SORCS1: variants seen among roughly 807,000 people sequenced by gnomAD.
The protein encoded by SORCS1 is VPS10 domain-containing receptor SorCS1.
In SORCS1, 60 loss-of-function variants were observed where a neutral mutation model predicts 146.1. The ratio of observed to expected loss-of-function variants is 0.41; its 90% CI spans 0.33 to 0.51. The LOEUF is 0.51. Ranked by LOEUF, SORCS1 falls within the 20% of genes least tolerant of loss-of-function variation. The pLI is 0.21. For missense variants in SORCS1, 1,352 were observed against 1,487.6 expected, an observed-to-expected ratio of 0.91 and a Z score of 1.50; for synonymous variants, 637 against 584.0, an observed-to-expected ratio of 1.09 and a Z score of -1.31.
intron 19 of SORCS1, among the ~76,000 whole-genome samples, chr10:106,620,850 C>T (rs1337236837): frequency 6.6e-6 from 1 of 152,154 alleles, no homozygotes; most frequent in East Asian, 1.9e-4. Context: ...TCCTTAAGAA[C>T]AGGCATCATT....
At chr10:106,620,283 A>C in intron 20 of SORCS1, 145 bp downstream of exon 20, 1 of 959,812 alleles carries the variant, frequency 1.0e-6, no homozygotes, top group Non-Finnish European at 1.5e-6. Context: ...ATGATGAGAT[A>C]CTTGAGCACC....
intron 17 of SORCS1, among the ~76,000 whole-genome samples, chr10:106,655,926 G>A (rs749420172): frequency 1.3e-5 from 2 of 152,108 alleles, no homozygotes; most frequent in Non-Finnish European, 2.9e-5. Flanking sequence ...TGCTACCTCC[G>A]TAATAACAAG....
intron 6 of SORCS1, 28 bp downstream of exon 6, chr10:106,730,022 A>C: frequency 6.2e-7 from 1 of 1,610,636 alleles, no homozygotes; most frequent in Non-Finnish European, 8.5e-7. Flanking sequence ...TATTACTATG[A>C]GTATTGCGGC....
chr10:107,067,119 C>G (rs570902174), intron 1 of SORCS1, among the ~76,000 whole-genome samples: 32 of 152,194 alleles, frequency 2.1e-4, no homozygotes, highest in African/African-American at 7.0e-4. Flanking sequence ...GAAGCAGCTC[C>G]AGAGATTTCA....
chr10:107,047,367 C>T (rs1456915836), intron 1 of SORCS1, among the ~76,000 whole-genome samples: 2 of 152,124 alleles, frequency 1.3e-5, no homozygotes, highest in East Asian at 1.9e-4. Context: ...TAGTGGATGT[C>T]GATAAGCCCA....
At position 106,726,185 on chromosome 10, in the gene SORCS1, C is replaced by CTCTTTT. The variant is rs1435746962; in HGVS notation, c.1024+3864_1024+3865insAAAAGA. Reference sequence around the variant, plus strand: ...TTATTGAGACAATCTCTTTCCCTCTCTTTTTTTTTTTTTTTTTTTTTTACA... The same window carrying CTCTTTT: ...TTATTGAGACAATCTCTTTCCCTCTCTCTTTTTTTTTTTTTTTTTTTTTTTTTTACA... On this transcript the variant is annotated intron_variant, in intron 6 of 25. Transcript: ENST00000263054. Among the ~76,000 whole-genome samples, 20 of 66,300 alleles carry CTCTTTT rather than the reference C, an allele frequency of 3.0e-4. 1 individual carries two copies. Among genetic ancestry groups the CTCTTTT allele is most frequent in the East Asian group, 4.9e-4 (1 of 2,058 alleles). 43.5% of individuals were successfully genotyped at this position (66,300 alleles called of 152,430 possible). A position where few individuals can be genotyped will look rare whatever the true frequency, so the allele number is the denominator to read the frequency against.
At chr10:107,020,955 T>G (rs1958100746) in intron 1 of SORCS1, among the ~76,000 whole-genome samples, 2 of 152,174 alleles carry the variant, frequency 1.3e-5, no homozygotes, top group African/African-American at 4.8e-5. Context: ...TAATTAAACT[T>G]TCTCCACTTT....
chr10:107,035,743 G>A (rs998520064), intron 1 of SORCS1, among the ~76,000 whole-genome samples: 8 of 152,018 alleles, frequency 5.3e-5, no homozygotes, highest in African/African-American at 1.9e-4. Flanking sequence ...TCACTAATGT[G>A]TTTTAGAACA....
intron 1 of SORCS1, among the ~76,000 whole-genome samples, chr10:107,008,887 C>A (rs1333072370): frequency 6.6e-6 from 1 of 152,186 alleles, no homozygotes; most frequent in African/African-American, 2.4e-5. Context: ...GTCCCAGTTG[C>A]TCGGGCTGCT....
chr10:106,803,418 A>C (rs1383582523), intron 3 of SORCS1, among the ~76,000 whole-genome samples: 1 of 152,202 alleles, frequency 6.6e-6, no homozygotes, highest in Non-Finnish European at 1.5e-5. Flanking sequence ...TTTTTATCAA[A>C]TCATTCACCT....
rs1320218351 is a variant in SORCS1 at position 106,600,210 on chromosome 10, C to T, written c.3166-2760G>A. The T allele has an allele frequency of 6.3e-6, 3 of 478,524 alleles. No homozygotes were observed. In the Admixed American group the frequency reaches 1.9e-4, roughly 31 times the overall value. 29.6% of individuals were successfully genotyped at this position (478,524 alleles called of 1,614,324 possible). ...TTTAATTTATAATCTCCAGGAGAGA[C>T]CCTTGTGAAAATAATTAACTACTTG... On this transcript the variant is annotated intron_variant, in intron 23 of 25. Coordinates refer to ENST00000263054, the MANE Select transcript of SORCS1 (RefSeq NM_052918.5).
intron 6 of SORCS1, among the ~76,000 whole-genome samples, chr10:106,726,024 G>T (rs1564901541): frequency 6.6e-6 from 1 of 151,432 alleles, no homozygotes; most frequent in African/African-American, 2.4e-5. Context: ...ACCTGATTTT[G>T]ATAAATACAC....
chr10:106,921,930 G>C (rs577088981), intron 2 of SORCS1, among the ~76,000 whole-genome samples: 12 of 152,272 alleles, frequency 7.9e-5, no homozygotes, highest in African/African-American at 2.9e-4. Flanking sequence ...TCCCATAAGG[G>C]AAATCTAAGA....
intron 7 of SORCS1, among the ~76,000 whole-genome samples, chr10:106,707,411 A>G (rs1374848985): frequency 2.0e-5 from 3 of 151,954 alleles, no homozygotes; most frequent in Non-Finnish European, 2.9e-5. Context: ...ATGTTGCCCA[A>G]GCTGGTCTCG....
chr10:106,581,352 C>A (rs1467955724), intron 24 of SORCS1, among the ~76,000 whole-genome samples: 1 of 151,456 alleles, frequency 6.6e-6, no homozygotes, highest in Non-Finnish European at 1.5e-5. Context: ...CACACACACA[C>A]ACACACACTT....
chr10:107,008,868 G>C (rs889104225), intron 1 of SORCS1, among the ~76,000 whole-genome samples: 1 of 152,222 alleles, frequency 6.6e-6, no homozygotes, highest in East Asian at 1.9e-4. Context: ...ATGGTGGCGG[G>C]TGCCTGTCGT....
intron 1 of SORCS1, among the ~76,000 whole-genome samples, chr10:107,000,697 T>C (rs1957181880): frequency 6.6e-6 from 1 of 151,920 alleles, no homozygotes; most frequent in African/African-American, 2.4e-5. Flanking sequence ...GAGGTTTCAA[T>C]TAGTTTTTAC....
intron 2 of SORCS1, among the ~76,000 whole-genome samples, chr10:106,830,572 T>A (rs1043341178): frequency 6.6e-6 from 1 of 150,980 alleles, no homozygotes; most frequent in Non-Finnish European, 1.5e-5. Context: ...GCTTTTTTTT[T>A]TTTTCCTTTT....
At chr10:106,953,401 AT>A (rs929313484) in intron 2 of SORCS1, among the ~76,000 whole-genome samples, 6 of 151,916 alleles carry the variant, frequency 3.9e-5, no homozygotes, top group African/African-American at 1.5e-4. Flanking sequence ...GCTATACTGT[AT>A]TTTTTTACTT....
Sources: gnomAD v4.1 joint callset for allele counts (sites outside exome capture counted in the v4.1 genomes callset) on GRCh38, gnomAD v4.1.1 for gene constraint, MANE v1.5 for transcripts, NCBI Gene and HGNC (gene_info 2026-07-23, HGNC 2026-07-21) for gene names.